Variants in HECTD4 observed in about 807,000 individuals in gnomAD.
The protein encoded by HECTD4 is HECT domain E3 ubiquitin protein ligase 4.
Under a neutral mutation model 471.5 loss-of-function variants are expected in HECTD4, and 114 were observed. That is an observed-to-expected ratio of 0.24 (90% CI 0.21 to 0.28). The LOEUF is 0.28. Ranked by LOEUF, HECTD4 falls within the 10% of genes least tolerant of loss-of-function variation. The pLI is 1.00. For missense variants in HECTD4, 3,866 were observed against 5,651.5 expected (o/e 0.68, Z 10.13); for synonymous variants, 2,012 against 2,256.0 (o/e 0.89, Z 3.07).
intron 23 of HECTD4, 34 bp downstream of exon 23, chr12:112,252,388 TAC>T: frequency 6.4e-7 from 1 of 1,556,312 alleles, no homozygotes; most frequent in African/African-American, 1.4e-5. Context: ...TAGCAGATAG[TAC>T]ATTTTGTCCA....
chr12:112,239,435 G>A lies in HECTD4; in HGVS notation c.5106-199C>T, dbSNP rs2033588128. Among the ~76,000 whole-genome samples, 1 of 152,122 alleles carries A rather than the reference G, an allele frequency of 6.6e-6. No homozygotes were observed. The highest frequency in any genetic ancestry group is 2.4e-5 in the African/African-American group (1 of 41,424). ...TCATTAACAAGGAACTTCAAATTCTGGTTTGTTTATATACAGCAAAAATCG... is the reference window on the plus strand; with the variant it reads ...TCATTAACAAGGAACTTCAAATTCTAGTTTGTTTATATACAGCAAAAATCG... On this transcript the variant is annotated intron_variant, in intron 33 of 75. Transcript: ENST00000682272. The surrounding 1 kb of genome is among the most constrained non-coding windows in gnomAD (Gnocchi z 4.9).
At chr12:112,320,406 A>G (rs1479936475) in intron 1 of HECTD4, among the ~76,000 whole-genome samples, 1 of 151,824 alleles carries the variant, frequency 6.6e-6, no homozygotes, top group Non-Finnish European at 1.5e-5. Context: ...TGAGTTATAA[A>G]TGTTGTTTCT....
intron 18 of HECTD4, among the ~76,000 whole-genome samples, chr12:112,260,487 C>T (rs2034119023): frequency 6.6e-6 from 1 of 152,132 alleles, no homozygotes. Context: ...GCAAAAATTA[C>T]ACTGTAGGAT....
intron 29 of HECTD4, among the ~76,000 whole-genome samples, chr12:112,245,493 T>C (rs1227318030): frequency 6.6e-6 from 1 of 152,210 alleles, no homozygotes; most frequent in African/African-American, 2.4e-5. Context: ...CATCCTGGCA[T>C]GTGATTGTAC....
intron 18 of HECTD4, among the ~76,000 whole-genome samples, chr12:112,260,530 G>C (rs971768289): frequency 5.9e-5 from 9 of 151,710 alleles, no homozygotes; most frequent in Admixed American, 2.6e-4. Flanking sequence ...CATGCAAATT[G>C]TCAAAAAACA....
At chr12:112,292,193 CTTG>C (rs1394493784) in intron 7 of HECTD4, among the ~76,000 whole-genome samples, 1 of 152,198 alleles carries the variant, frequency 6.6e-6, no homozygotes, top group Non-Finnish European at 1.5e-5. Flanking sequence ...ACACAGACTT[CTTG>C]TTGTTCTTCC....
chr12:112,341,806 T>C (rs1173329630), intron 1 of HECTD4, among the ~76,000 whole-genome samples: 5 of 152,168 alleles, frequency 3.3e-5, no homozygotes, highest in Non-Finnish European at 7.3e-5. Flanking sequence ...AGCTTAACCA[T>C]ATGAGATAGT....
rs371750618 is a variant in HECTD4, at chr12:112,305,495, CGT to C, written c.1335+567_1335+568del. Among the ~76,000 whole-genome samples, 793 of 152,280 alleles carry C rather than the reference CGT, an allele frequency of 5.2e-3. 3 individuals carry two copies. Among genetic ancestry groups the C allele is most frequent in the African/African-American group, 0.018 (745 of 41,554 alleles). ...TTTCCTTCACTAATTACGATTATCT[CGT>C]GCGCTTATTTGCTCACTTGTTTATG... On this transcript the variant is annotated intron_variant, in intron 7 of 75. Coordinates refer to ENST00000682272, the MANE Select transcript of HECTD4 (RefSeq NM_001388303.1).
intron 25 of HECTD4, 32 bp downstream of exon 25, chr12:112,250,112 T>C: frequency 6.6e-7 from 1 of 1,517,316 alleles, no homozygotes; most frequent in Non-Finnish European, 9.1e-7. Flanking sequence ...TTTTTCCCAT[T>C]GGGAAAAGTA....
At chr12:112,334,747 T>C (rs1594054061) in intron 1 of HECTD4, among the ~76,000 whole-genome samples, 4 of 147,426 alleles carry the variant, frequency 2.7e-5, no homozygotes, top group Admixed American at 2.7e-4. Flanking sequence ...GAGGGAGAGG[T>C]TGCAGTGAGG....
chr12:112,273,057 A>G (rs1429121420), intron 11 of HECTD4, among the ~76,000 whole-genome samples: 1 of 152,184 alleles, frequency 6.6e-6, no homozygotes, highest in African/African-American at 2.4e-5. Flanking sequence ...TTTAAAATGA[A>G]TAACAACTCT....
At position 112,254,059 on chromosome 12, in the gene HECTD4, G is replaced by C; in HGVS notation, c.3431C>G (p.Pro1144Arg). ...ATACCATACCTTCACCAAGTCTTTC[G>C]GCCAACCAGTTCCTAAGACACTACG... ...GSRSVLGTGW[P>R]KDLVKVEGDT... is the part of the protein sequence containing the mutation. Residue 1144 changes from proline (P) to arginine (R), a missense_variant, in exon 22 of 76, where the codon CCG (proline) becomes CGG (arginine). This residue lies in a region of HECTD4 where 281 missense variants were observed against 499.9 expected (regional missense o/e 0.56). Coordinates refer to ENST00000682272, the MANE Select transcript of HECTD4 (RefSeq NM_001388303.1). 1.9e-6 allele frequency: 3 copies of C among 1,613,782 alleles called. No individual in the cohort carries two copies. The highest frequency in any genetic ancestry group is 2.5e-6 in the Non-Finnish European group (3 of 1,179,832).
At chr12:112,210,331 C>T in intron 49 of HECTD4, 79 bp from the exon 50 acceptor site, 1 of 1,431,510 alleles carries the variant, frequency 7.0e-7, no homozygotes, top group South Asian at 1.2e-5. Context: ...GCGCAGCTCA[C>T]TAAACGTCAC....
chr12:112,381,981 C>A lies in HECTD4; in HGVS notation c.148G>T (p.Ala50Ser). 2 of 1,224,808 alleles carry A rather than the reference C, an allele frequency of 1.6e-6. No homozygotes were observed. Among genetic ancestry groups the A allele is most frequent in the Non-Finnish European group, 2.0e-6 (2 of 983,402 alleles). 75.9% of individuals were successfully genotyped at this position (1,224,808 alleles called of 1,614,324 possible). ...LAELPSEILGAPEAADTDLEI... is the reference protein window; with the variant it reads ...LAELPSEILGSPEAADTDLEI... ...AGGTCGGTGTCCGCGGCCTCTGGGG[C>A]CCCGAGGATCTCGCTGGGCAGCTCG... Residue 50 changes from alanine to serine, a missense_variant, in exon 1 of 76, where the codon GCC becomes TCC. By Grantham distance (99) the Ala-to-Ser change is moderately conservative (BLOSUM62 1). This residue lies in a region of HECTD4 where 440 missense variants were observed against 636.0 expected (regional missense o/e 0.69). Coordinates refer to ENST00000682272, the MANE Select transcript of HECTD4 (RefSeq NM_001388303.1). The surrounding 1 kb of genome is among the most constrained non-coding windows in gnomAD (Gnocchi z 4.1).
intron 10 of HECTD4, among the ~76,000 whole-genome samples, 163 bp from the exon 11 acceptor site, chr12:112,273,958 C>T (rs919640974): frequency 6.6e-6 from 1 of 152,230 alleles, no homozygotes; most frequent in African/African-American, 2.4e-5. Flanking sequence ...TAGGTTGGGA[C>T]TCGGCAAAGG....
intron 7 of HECTD4, among the ~76,000 whole-genome samples, chr12:112,290,691 T>C (rs1444911412): frequency 1.3e-5 from 2 of 151,030 alleles, no homozygotes; most frequent in African/African-American, 4.9e-5. Flanking sequence ...CTACTAAAAA[T>C]ACAAAAATTA....
intron 23 of HECTD4, 36 bp from the exon 24 acceptor site, chr12:112,251,170 T>C (rs754856096): frequency 5.6e-6 from 9 of 1,600,500 alleles, no homozygotes; most frequent in South Asian, 2.3e-5. Context: ...CACTGGTCAG[T>C]GTACACTGGC....
intron 39 of HECTD4, 107 bp from the exon 40 acceptor site, chr12:112,230,929 GA>G (rs2033363924): frequency 9.9e-7 from 1 of 1,005,586 alleles, no homozygotes. Context: ...TTTTATACAA[GA>G]AAAAGTGGAT....
chr12:112,317,846 G>A (rs919208031), intron 2 of HECTD4, among the ~76,000 whole-genome samples: 7 of 151,666 alleles, frequency 4.6e-5, no homozygotes, highest in African/African-American at 1.7e-4. Context: ...CAGCCATGGT[G>A]GCAGGTGCCT....
Sources: allele counts gnomAD v4.1 joint callset (sites outside exome capture counted in the v4.1 genomes callset), GRCh38; gene constraint gnomAD v4.1.1; regional missense constraint gnomAD v4.1.1; non-coding constraint Gnocchi (gnomAD v3.1); transcripts MANE v1.5; gene names NCBI Gene and HGNC (gene_info 2026-07-23, HGNC 2026-07-21).